NALF1: variants seen among roughly 807,000 people sequenced by gnomAD.
NALF1 encodes family with sequence similarity 155 member A.
Under a neutral mutation model 48.4 loss-of-function variants are expected in NALF1, and 3 were observed. The ratio of observed to expected loss-of-function variants is 0.06; its 90% CI spans 0.03 to 0.16. The LOEUF (loss-of-function observed/expected upper bound fraction) is 0.16, where lower values mean the gene tolerates loss of function less well. Among genes scored for constraint, NALF1 ranks in the 10% least tolerant of loss-of-function variants. The probability of loss-of-function intolerance (pLI) is 1.00; values close to 1 mark genes in which losing one functional copy is unlikely to be tolerated. For missense variants in NALF1, 526 were observed against 571.5 expected, an observed-to-expected ratio of 0.92 and a Z score of 0.81; for synonymous variants, 262 against 245.7, an observed-to-expected ratio of 1.07 and a Z score of -0.62.
intron 1 of NALF1, among the ~76,000 whole-genome samples, chr13:107,686,487 A>AG: frequency 6.6e-6 from 1 of 152,062 alleles, no homozygotes; most frequent in Admixed American, 6.6e-5. Flanking sequence ...CTCCACCTCC[A>AG]GGTTCAAGCA....
At chr13:107,583,396 C>T (rs1266725211) in intron 1 of NALF1, among the ~76,000 whole-genome samples, 1 of 152,066 alleles carries the variant, frequency 6.6e-6, no homozygotes, top group Non-Finnish European at 1.5e-5. Context: ...GTTCAGATCA[C>T]TTTTAAGTTA....
At position 107,363,594 on chromosome 13, in the gene NALF1, G is replaced by GA. The variant is rs373748495; in HGVS notation, c.916-152840dup. 1.9e-3 allele frequency among the ~76,000 whole-genome samples: 290 copies of GA among 152,240 alleles called. 5 individuals are homozygous for GA. The East Asian group carries it at 0.046, about 24-fold the overall frequency. ...AGCCTGGGTGATGAAACAGTGAATG[G>GA]ACTGTTTAAATCAAAGCAGTAAATT... On this transcript the variant is annotated intron_variant, in intron 1 of 2. Transcript: ENST00000375915.
At chr13:107,504,146 G>A (rs1875617023) in intron 1 of NALF1, among the ~76,000 whole-genome samples, 1 of 151,702 alleles carries the variant, frequency 6.6e-6, no homozygotes, top group South Asian at 2.1e-4. Flanking sequence ...CAGCTACTTG[G>A]GAGGCTAAGG....
chr13:107,418,177 T>C (rs888329720), intron 1 of NALF1, among the ~76,000 whole-genome samples: 2 of 152,224 alleles, frequency 1.3e-5, no homozygotes, highest in Non-Finnish European at 2.9e-5. Context: ...AATTACTGTC[T>C]CTAATCATGT....
chr13:107,315,960 C>T (rs1331489676), intron 1 of NALF1, among the ~76,000 whole-genome samples: 1 of 151,674 alleles, frequency 6.6e-6, no homozygotes, highest in Non-Finnish European at 1.5e-5. Context: ...AGGTTTGTTA[C>T]ATATGTATAC....
intron 1 of NALF1, among the ~76,000 whole-genome samples, chr13:107,542,174 T>C (rs557150663): frequency 1.3e-5 from 2 of 152,268 alleles, no homozygotes; most frequent in African/African-American, 4.8e-5. Flanking sequence ...TACTGATACA[T>C]GCTACCACCT....
chr13:107,213,751 C>A (rs1301053685), intron 1 of NALF1, among the ~76,000 whole-genome samples: 4 of 152,156 alleles, frequency 2.6e-5, no homozygotes, highest in African/African-American at 9.7e-5. Context: ...AACAAAAATT[C>A]TTCTAGAATC....
At chr13:107,661,769 A>T (rs960241683) in intron 1 of NALF1, among the ~76,000 whole-genome samples, 3 of 152,232 alleles carry the variant, frequency 2.0e-5, no homozygotes, top group Non-Finnish European at 4.4e-5. Context: ...CTAGCTAATA[A>T]GAAATGTCAA....
intron 1 of NALF1, among the ~76,000 whole-genome samples, chr13:107,494,479 G>A (rs1159487623): frequency 6.6e-6 from 1 of 152,124 alleles, no homozygotes; most frequent in Non-Finnish European, 1.5e-5. Context: ...AGTAGATATG[G>A]CATAGAACGG....
chr13:107,782,921 T>TG (rs1388823013), intron 1 of NALF1, among the ~76,000 whole-genome samples: 2 of 127,244 alleles, frequency 1.6e-5, no homozygotes, highest in South Asian at 2.6e-4. Flanking sequence ...AGGAGGGAGG[T>TG]GGGGGTCACC....
intron 1 of NALF1, among the ~76,000 whole-genome samples, chr13:107,411,275 A>T (rs1485616410): frequency 6.6e-6 from 1 of 150,612 alleles, no homozygotes; most frequent in Admixed American, 6.6e-5. Context: ...TCCTGCCCAC[A>T]GGCTGAAGGT....
At chr13:107,299,215 T>C (rs1881786266) in intron 1 of NALF1, among the ~76,000 whole-genome samples, 2 of 152,030 alleles carry the variant, frequency 1.3e-5, no homozygotes, top group African/African-American at 4.8e-5. Context: ...TGGAGGGTCA[T>C]GATGTGATGT....
intron 1 of NALF1, among the ~76,000 whole-genome samples, chr13:107,548,344 C>G (rs368479197): frequency 6.6e-6 from 1 of 152,028 alleles, no homozygotes; most frequent in Non-Finnish European, 1.5e-5. Context: ...GGTGTATATG[C>G]ACCACATTTT....
intron 1 of NALF1, among the ~76,000 whole-genome samples, chr13:107,517,312 C>G (rs564956200): frequency 9.2e-5 from 14 of 152,106 alleles, no homozygotes; most frequent in Non-Finnish European, 1.9e-4. Context: ...AATTTACTCC[C>G]CCATGTTACT....
intron 1 of NALF1, among the ~76,000 whole-genome samples, chr13:107,493,279 T>G (rs2139071317): frequency 6.6e-6 from 1 of 152,062 alleles, no homozygotes; most frequent in East Asian, 2.0e-4. Context: ...CAATAAGAAA[T>G]AACTCCAGAA....
At chr13:107,769,943 C>T (rs967623869) in intron 1 of NALF1, among the ~76,000 whole-genome samples, 3 of 152,124 alleles carry the variant, frequency 2.0e-5, no homozygotes, top group African/African-American at 4.8e-5. Context: ...GACGGAGTCT[C>T]GCTCTGTCAC....
In NALF1 at chr13:107,864,357, C is replaced by G. The variant is rs1188225309; in HGVS notation, c.915+1325G>C. On this transcript the variant is annotated intron_variant, in intron 1 of 2. Coordinates refer to ENST00000375915, the MANE Select transcript of NALF1 (RefSeq NM_001080396.3). Reference sequence around the variant, plus strand: ...TTTAACTGTCAAAAGCACAACTAATCCGCCCAAAGTAAAATATGGCCTTTC... The same window carrying G: ...TTTAACTGTCAAAAGCACAACTAATGCGCCCAAAGTAAAATATGGCCTTTC... Among the ~76,000 whole-genome samples, 4 of 152,218 alleles carry G rather than the reference C, an allele frequency of 2.6e-5. No individual in the cohort carries two copies. In the East Asian group the frequency reaches 5.8e-4, roughly 22 times the overall value.
intron 1 of NALF1, among the ~76,000 whole-genome samples, chr13:107,667,953 A>G (rs541291601): frequency 5.1e-4 from 78 of 152,246 alleles, no homozygotes; most frequent in African/African-American, 1.8e-3. Context: ...ATTTATCTCT[A>G]CATATATCTG....
chr13:107,866,212 G>C lies in NALF1; in HGVS notation c.385C>G (p.Pro129Ala). The change falls in exon 1 of 3, where the codon CCC becomes GCC. Residue 129 changes from proline to alanine, a missense_variant. Pro to Ala is a conservative substitution (Grantham distance 27). Coordinates refer to ENST00000375915, the MANE Select transcript of NALF1 (RefSeq NM_001080396.3). This position sits in a 1 kb window ranked among gnomAD's most constrained non-coding sequence, Gnocchi z 4.4. ...AHRLLSASSS[P>A]TLPPSPGDGG... is the part of the protein sequence containing the mutation. ...TCTCCCGGGGAGGGGGGCAGGGTGG[G>C]GGACGAGGAGGCGGAGAGGAGTCTG... 1 of 1,597,970 alleles carries C rather than the reference G, an allele frequency of 6.3e-7. No individual in the cohort carries two copies. The highest frequency in any genetic ancestry group is 1.1e-5 in the South Asian group (1 of 89,066).
Sources: allele counts gnomAD v4.1 joint callset (sites outside exome capture counted in the v4.1 genomes callset), GRCh38; gene constraint gnomAD v4.1.1; non-coding constraint Gnocchi (gnomAD v3.1); transcripts MANE v1.5; gene names NCBI Gene and HGNC (gene_info 2026-07-23, HGNC 2026-07-21).